HOXA3: variants seen among roughly 807,000 people sequenced by gnomAD.
The protein encoded by HOXA3 is homeobox protein Hox-A3.
HOXA3 carries 8 observed loss-of-function variants against 30.3 expected under a neutral mutation model. The ratio of observed to expected loss-of-function variants is 0.26; its 90% CI spans 0.15 to 0.48. The LOEUF is 0.48. Ranked by LOEUF, HOXA3 falls within the 20% of genes least tolerant of loss-of-function variation. The pLI is 0.99. For synonymous variants in HOXA3, 323 were observed against 273.1 expected (o/e 1.18, Z -1.80); for missense variants, 653 against 614.4 (o/e 1.06, Z -0.66).
Position 27,110,720 on chromosome 7 carries a change from G to A in HOXA3, c.-80C>T. On this transcript the variant is annotated 5_prime_UTR_variant, in exon 5 of 6. Coordinates refer to ENST00000612286, the MANE Select transcript of HOXA3 (RefSeq NM_153631.3). The stretch of plus-strand genomic sequence containing the variant: ...GGGCGCACATTGGCACGCCCCCGCG[G>A]TCACGTGACACTCCGCCGCCAATGG... The A allele has an allele frequency of 4.4e-6, 7 of 1,574,382 alleles. No homozygotes were observed. Among genetic ancestry groups the A allele is most frequent in the Non-Finnish European group, 6.1e-6 (7 of 1,153,958 alleles).
At chr7:27,118,813 G>C (rs894718725) in intron 4 of HOXA3, among the ~76,000 whole-genome samples, 2 of 152,168 alleles carry the variant, frequency 1.3e-5, no homozygotes, top group African/African-American at 4.8e-5. Flanking sequence ...CCTGGACAGC[G>C]GACTTCCTCA....
intron 4 of HOXA3, among the ~76,000 whole-genome samples, chr7:27,114,818 TATATATATA>T (rs1161205807): frequency 0.017 from 502 of 29,300 alleles, 28 homozygotes; most frequent in African/African-American, 0.036. Context: ...AAAACATACA[TATATATATA>T]ATATATATTA....
At chr7:27,147,116 C>T in intron 1 of HOXA3, 1 of 630,804 alleles carries the variant, frequency 1.6e-6, no homozygotes, top group Non-Finnish European at 2.7e-6. Flanking sequence ...GGGGCCTTGC[C>T]CTTCCTCTGC....
At chr7:27,149,067 C>T (rs1436724558) in intron 1 of HOXA3, among the ~76,000 whole-genome samples, 1 of 152,262 alleles carries the variant, frequency 6.6e-6, no homozygotes, top group Non-Finnish European at 1.5e-5. Context: ...ATTGCTTTCA[C>T]TGCTGTCCCA....
intron 4 of HOXA3, among the ~76,000 whole-genome samples, chr7:27,118,683 A>G (rs1784857324): frequency 6.6e-6 from 1 of 152,166 alleles, no homozygotes. Context: ...AATCCATTTA[A>G]CTTTCCTTAC....
chr7:27,143,379 C>A (rs1461478454), intron 1 of HOXA3: 2 of 1,594,656 alleles, frequency 1.3e-6, no homozygotes, highest in African/African-American at 1.3e-5. Flanking sequence ...GCCGCGCTGG[C>A]GCTGGCAGCG....
chr7:27,110,577 T>C lies in HOXA3; in HGVS notation c.64A>G (p.Asn22Asp). The C allele has an allele frequency of 1.2e-6, 2 of 1,607,398 alleles. No individual in the cohort carries two copies. The highest frequency in any genetic ancestry group is 1.7e-4 in the Middle Eastern group (1 of 6,050). ...IYGGYPYQAA[N>D]GFAYNANQQP... ...TGATTGGCATTATAAGCGAACCCGT[T>C]GGCTGCCTGGTAGGGGTAGCCACCG... The change falls in exon 5 of 6, where the codon AAC (asparagine) becomes GAC (aspartate). Residue 22 changes from asparagine (N) to aspartate (D), a missense_variant. Asn to Asp is a conservative substitution (Grantham distance 23, BLOSUM62 1). This residue lies in a region of HOXA3 where 320 missense variants were observed against 321.9 expected (regional missense o/e 0.99). Transcript: ENST00000612286.
intron 2 of HOXA3, among the ~76,000 whole-genome samples, chr7:27,137,946 G>A (rs540921805): frequency 1.2e-4 from 18 of 152,026 alleles, no homozygotes; most frequent in South Asian, 8.3e-4. Flanking sequence ...CAGAATCCCC[G>A]TCACTCTTTT....
intron 2 of HOXA3, among the ~76,000 whole-genome samples, chr7:27,135,723 CT>C (rs1424832311): frequency 1.3e-5 from 2 of 152,132 alleles, no homozygotes; most frequent in Non-Finnish European, 2.9e-5. Flanking sequence ...ATTCTGTTGC[CT>C]TTGAAGGCAT....
intron 1 of HOXA3, chr7:27,151,444 G>C (rs1782969526): frequency 2.8e-6 from 1 of 361,642 alleles, no homozygotes; most frequent in Admixed American, 3.3e-5. Flanking sequence ...CTATCGCCCA[G>C]ACTCGGTTTG....
At position 27,127,446 on chromosome 7, in the gene HOXA3, G is replaced by A. The variant is rs1284920956; in HGVS notation, c.-389-376C>T. On this transcript the variant is annotated intron_variant, in intron 2 of 5. Coordinates refer to ENST00000612286, the MANE Select transcript of HOXA3 (RefSeq NM_153631.3). ...GAAAGGGGTACCAGCTCTGACACTG[G>A]CTAAAGGGTTTTGCCACTAATGAGA... is the stretch of plus-strand genomic sequence containing the variant. Among the ~76,000 whole-genome samples the A allele has an allele frequency of 6.6e-5, 10 of 152,204 alleles. No individual in the cohort carries two copies. In the East Asian group the frequency reaches 1.7e-3, roughly 26 times the overall value.
Position 27,108,264 on chromosome 7 carries a change from C to A in HOXA3, c.983G>T (p.Arg328Leu). The A allele has an allele frequency of 6.6e-7, 1 of 1,520,606 alleles. No individual in the cohort carries two copies. The highest frequency in any genetic ancestry group is 8.8e-7 in the Non-Finnish European group (1 of 1,134,504). 94.2% of individuals were successfully genotyped at this position (1,520,606 alleles called of 1,614,324 possible). A position where few individuals can be genotyped will look rare whatever the true frequency, so the allele number is the denominator to read the frequency against. Residue 328 changes from arginine (R) to leucine (L), a missense_variant, in exon 6 of 6, where the codon CGC becomes CTC. Physicochemically the swap from Arg to Leu is moderately radical, Grantham distance 102. This residue lies in a region of HOXA3 where 330 missense variants were observed against 274.4 expected (regional missense o/e 1.20). Coordinates refer to ENST00000612286, the MANE Select transcript of HOXA3 (RefSeq NM_153631.3). This position sits in a 1 kb window ranked among gnomAD's most constrained non-coding sequence, Gnocchi z 5.0. ...SCAPPPPPQK[R>L]YTAAGAGAGG... ...TGCGCCCGCCCCTGCCGCCGTGTAG[C>A]GCTTCTGTGGGGGTGGCGGGGGTGC... is the stretch of plus-strand genomic sequence containing the variant.
intron 3 of HOXA3, chr7:27,124,555 G>A (rs1041872992): frequency 6.6e-6 from 1 of 152,216 alleles, no homozygotes; most frequent in Non-Finnish European, 1.5e-5. Flanking sequence ...CCTTCCTGAA[G>A]GAGTTAAAAG....
intron 4 of HOXA3, chr7:27,116,194 G>A (rs1259646225): frequency 6.6e-6 from 1 of 152,646 alleles, no homozygotes; most frequent in Non-Finnish European, 1.5e-5. Context: ...CTCATCCAGG[G>A]GGACTAGAAG....
intron 2 of HOXA3, chr7:27,129,517 CG>C: frequency 1.2e-6 from 2 of 1,614,068 alleles, no homozygotes; most frequent in Non-Finnish European, 1.7e-6. Context: ...GACCTGCTGC[CG>C]GGTGTAGGCG....
At chr7:27,131,492 T>G (rs1181895450) in intron 2 of HOXA3, among the ~76,000 whole-genome samples, 1 of 152,214 alleles carries the variant, frequency 6.6e-6, no homozygotes, top group African/African-American at 2.4e-5. Flanking sequence ...TATAACTGGA[T>G]GGACACTTTT....
chr7:27,119,326 A>C lies in HOXA3; in HGVS notation c.-121+3233T>G, dbSNP rs75119227. 1.7e-3 allele frequency among the ~76,000 whole-genome samples: 257 copies of C among 152,126 alleles called. 3 individuals carry two copies. Among genetic ancestry groups the C allele is most frequent in the African/African-American group, 6.1e-3 (252 of 41,490 alleles). On this transcript the variant is annotated intron_variant, in intron 4 of 5. Coordinates refer to ENST00000612286, the MANE Select transcript of HOXA3 (RefSeq NM_153631.3). ...CCCACCCCCACACAAGTTCCTATAG[A>C]GATATCAACTCAAAGATGAGAAAGA...
intron 1 of HOXA3, chr7:27,146,037 T>C: frequency 8.7e-7 from 1 of 1,155,050 alleles, no homozygotes; most frequent in Non-Finnish European, 1.2e-6. Flanking sequence ...CTCCAGCCTC[T>C]CCCACTATGT....
chr7:27,144,725 C>G lies in HOXA3; in HGVS notation c.-493-4539G>C, dbSNP rs562748906. Among the ~76,000 whole-genome samples the G allele has an allele frequency of 3.3e-5, 5 of 152,330 alleles. No homozygotes were observed. In the South Asian group the frequency reaches 6.2e-4, roughly 19 times the overall value. On this transcript the variant is annotated intron_variant, in intron 1 of 5. Transcript: ENST00000612286. ...TAATGGAAGCATTCCTTGGCAGTGC[C>G]TAGTATCTCTGTAGTTATTTTCCAC...
Sources: allele counts gnomAD v4.1 joint callset (sites outside exome capture counted in the v4.1 genomes callset), GRCh38; gene constraint gnomAD v4.1.1; regional missense constraint gnomAD v4.1.1; non-coding constraint Gnocchi (gnomAD v3.1); transcripts MANE v1.5; gene names NCBI Gene and HGNC (gene_info 2026-07-23, HGNC 2026-07-21).